Variants in UST observed in about 807,000 individuals in gnomAD.
UST encodes chondroitin sulfate 2-O-sulfotransferase.
Under a neutral mutation model 45.6 loss-of-function variants are expected in UST, and 21 were observed. That is an observed-to-expected ratio of 0.46 (90% CI 0.33 to 0.66). The LOEUF is 0.66. Among genes scored for constraint, UST ranks in the 30% least tolerant of loss-of-function variants. UST has a pLI of 0.02. For synonymous variants in UST, 215 were observed against 200.6 expected (o/e 1.07, Z -0.61); for missense variants, 463 against 512.4 (o/e 0.90, Z 0.93).
chr6:148,997,442 C>G (rs747997699), intron 5 of UST, among the ~76,000 whole-genome samples: 1 of 151,456 alleles, frequency 6.6e-6, no homozygotes, highest in Non-Finnish European at 1.5e-5. Flanking sequence ...TAGAGTGAGA[C>G]AGATGGAAAA....
intron 1 of UST, among the ~76,000 whole-genome samples, chr6:148,767,435 T>G (rs780547509): frequency 1.3e-5 from 2 of 152,252 alleles, no homozygotes; most frequent in Non-Finnish European, 2.9e-5. Flanking sequence ...AATGTCAAGT[T>G]TGTTAATAAG....
At chr6:148,820,341 T>G (rs1293785668) in intron 1 of UST, among the ~76,000 whole-genome samples, 1 of 152,154 alleles carries the variant, frequency 6.6e-6, no homozygotes, top group Non-Finnish European at 1.5e-5. Context: ...CACATTCTCT[T>G]TCTGTATATC....
At chr6:148,751,293 G>T (rs1185057925) in intron 1 of UST, among the ~76,000 whole-genome samples, 1 of 152,158 alleles carries the variant, frequency 6.6e-6, no homozygotes, top group Admixed American at 6.5e-5. Context: ...CATCTTGTTT[G>T]CTACTTAAGC....
At chr6:148,877,405 ATGAGTGCG>A (rs778988513) in intron 1 of UST, among the ~76,000 whole-genome samples, 624 of 22,900 alleles carry the variant, frequency 0.027, 46 homozygotes, top group African/African-American at 0.085. Context: ...GGGGTCGTGT[ATGAGTGCG>A]GGGGTCGTGT....
intron 5 of UST, among the ~76,000 whole-genome samples, chr6:148,973,480 A>T (rs1582936560): frequency 6.6e-6 from 1 of 152,266 alleles, no homozygotes; most frequent in African/African-American, 2.4e-5. Flanking sequence ...AAATTAAAAG[A>T]TGTGGGTGAG....
intron 7 of UST, among the ~76,000 whole-genome samples, chr6:149,068,364 C>T (rs1471790776): frequency 6.6e-6 from 1 of 152,206 alleles, no homozygotes; most frequent in African/African-American, 2.4e-5. Context: ...TCAGTTTCCT[C>T]ATGTATAAAA....
chr6:148,871,433 T>C (rs893418563), intron 1 of UST, among the ~76,000 whole-genome samples: 3 of 152,318 alleles, frequency 2.0e-5, no homozygotes, highest in South Asian at 2.1e-4. Context: ...GTAGTGACTG[T>C]CCTGCCTCTG....
At chr6:148,886,566 G>T (rs1450899250) in intron 1 of UST, among the ~76,000 whole-genome samples, 1 of 152,210 alleles carries the variant, frequency 6.6e-6, no homozygotes, top group African/African-American at 2.4e-5. Flanking sequence ...AGGACCGGCA[G>T]CATCAGTATC....
chr6:148,972,439 T>C (rs1780934624), intron 5 of UST, among the ~76,000 whole-genome samples: 1 of 152,210 alleles, frequency 6.6e-6, no homozygotes, highest in South Asian at 2.1e-4. Context: ...ACCGCCTATT[T>C]GGCAGGAGCG....
At chr6:148,878,459 G>GTCGTGTATGAGTGTGGGTA (rs1562286546) in intron 1 of UST, among the ~76,000 whole-genome samples, 2 of 129,374 alleles carry the variant, frequency 1.5e-5, no homozygotes, top group Non-Finnish European at 1.6e-5. Flanking sequence ...TGAGTGGGGT[G>GTCGTGTATGAGTGTGGGTA]TCGTGTATGA....
At chr6:148,777,774 T>C (rs2114683894) in intron 1 of UST, among the ~76,000 whole-genome samples, 1 of 152,336 alleles carries the variant, frequency 6.6e-6, no homozygotes, top group African/African-American at 2.4e-5. Context: ...CTCGAACTCC[T>C]GACCTTAGGT....
chr6:148,804,781 A>C (rs1777115810), intron 1 of UST, among the ~76,000 whole-genome samples: 1 of 151,176 alleles, frequency 6.6e-6, no homozygotes, highest in Non-Finnish European at 1.5e-5. Flanking sequence ...GTAATTACTA[A>C]GCACTTTTTC....
chr6:148,979,999 C>T (rs922832), intron 5 of UST, among the ~76,000 whole-genome samples: 52,237 of 152,000 alleles, frequency 0.34, 9,118 homozygotes, highest in East Asian at 0.48. Flanking sequence ...GGTTTCGTAT[C>T]TGGCCCATCC....
At chr6:148,968,881 C>T (rs150027293) in intron 5 of UST, among the ~76,000 whole-genome samples, 38 of 152,332 alleles carry the variant, frequency 2.5e-4, no homozygotes, top group African/African-American at 8.7e-4. Flanking sequence ...AGAAAATCTT[C>T]CCAGAGAGAA....
chr6:148,768,815 C>T (rs1776366868), intron 1 of UST, among the ~76,000 whole-genome samples: 1 of 152,202 alleles, frequency 6.6e-6, no homozygotes. Flanking sequence ...AGTGGGAGTG[C>T]TTCTGAGGCC....
At chr6:149,029,893 TGTGTGTGTGTGTGTGTG>T (rs1193182338) in intron 7 of UST, among the ~76,000 whole-genome samples, 1 of 151,532 alleles carries the variant, frequency 6.6e-6, no homozygotes, top group Non-Finnish European at 1.5e-5. Context: ...TGTGTGTGTG[TGTGTGTGTGTGTGTGTG>T]GTGTGTGCAC....
chr6:148,899,216 C>T (rs1459175321), intron 2 of UST, among the ~76,000 whole-genome samples: 2 of 149,998 alleles, frequency 1.3e-5, no homozygotes, highest in Non-Finnish European at 3.0e-5. Flanking sequence ...TCTCCTGCCT[C>T]AGCCTCCCAA....
At chr6:148,885,989 C>T (rs1778905476) in intron 1 of UST, among the ~76,000 whole-genome samples, 1 of 152,344 alleles carries the variant, frequency 6.6e-6, no homozygotes, top group Middle Eastern at 3.4e-3. Flanking sequence ...TTTCCCTAGA[C>T]TCACAAGAGT....
chr6:149,024,743 A>G (rs550805781), intron 7 of UST, among the ~76,000 whole-genome samples: 1 of 152,200 alleles, frequency 6.6e-6, no homozygotes, highest in Non-Finnish European at 1.5e-5. Flanking sequence ...TACTAAAATC[A>G]TTACTCTTTC....
Sources: allele counts gnomAD v4.1 joint callset (sites outside exome capture counted in the v4.1 genomes callset), GRCh38; gene constraint gnomAD v4.1.1; transcripts MANE v1.5; gene names NCBI Gene and HGNC (gene_info 2026-07-23, HGNC 2026-07-21).